Variants in TCAF1 observed in about 807,000 individuals in gnomAD.
TCAF1 encodes the protein TRPM8 channel-associated factor 1.
Under a neutral mutation model 27.3 loss-of-function variants are expected in TCAF1, and 4 were observed. The ratio of observed to expected loss-of-function variants is 0.15; its 90% CI spans 0.07 to 0.34. The LOEUF is 0.34. Ranked by LOEUF, TCAF1 falls within the 10% of genes least tolerant of loss-of-function variation. The probability of loss-of-function intolerance (pLI) is 1.00; values close to 1 mark genes in which losing one functional copy is unlikely to be tolerated. For synonymous variants in TCAF1, 105 were observed against 167.1 expected (o/e 0.63, Z 2.87); for missense variants, 257 against 425.8 (o/e 0.60, Z 3.49).
intron 1 of TCAF1, among the ~76,000 whole-genome samples, chr7:143,883,986 T>C (rs1488851922): frequency 1.3e-5 from 2 of 152,150 alleles, no homozygotes; most frequent in African/African-American, 4.8e-5. Flanking sequence ...GGTGTGACTT[T>C]GGGGAAGTTA....
intron 1 of TCAF1, among the ~76,000 whole-genome samples, chr7:143,886,076 C>G (rs1161400853): frequency 2.6e-5 from 4 of 152,218 alleles, no homozygotes; most frequent in African/African-American, 4.8e-5. Flanking sequence ...GGAGCAGGAA[C>G]TGGCTTTATG....
chr7:143,858,760 CGATAGTTGCCCT>C (rs1293667126), intron 7 of TCAF1, 52 bp downstream of exon 7: 5 of 586,988 alleles, frequency 8.5e-6, no homozygotes, highest in Non-Finnish European at 1.5e-5. Context: ...GAACATTATC[CGATAGTTGCCCT>C]GATGGTCCCC....
intron 1 of TCAF1, chr7:143,884,960 A>G: frequency 1.0e-6 from 1 of 982,390 alleles, no homozygotes; most frequent in Non-Finnish European, 1.2e-6. Context: ...GCAATGGAGA[A>G]AGCGCAGGCA....
Position 143,902,027 on chromosome 7 carries a change from T to C in TCAF1, c.-81A>G, listed in dbSNP as rs925606938. On this transcript the variant is annotated 5_prime_UTR_variant, in exon 1 of 9. Coordinates refer to ENST00000479870, the MANE Select transcript of TCAF1 (RefSeq NM_014719.3). ...AGAGTCTACGCTGAACCCCACTCAC[T>C]GTTTGCCCCGCTGTTCCCTGCAGCG... 2.6e-5 allele frequency: 4 copies of C among 152,370 alleles called. No homozygotes were observed. The highest frequency in any genetic ancestry group is 4.4e-5 in the Non-Finnish European group (3 of 68,066). 9.4% of individuals were successfully genotyped at this position (152,370 alleles called of 1,614,324 possible).
intron 1 of TCAF1, among the ~76,000 whole-genome samples, chr7:143,887,610 G>A (rs554081142): frequency 6.6e-6 from 1 of 152,272 alleles, no homozygotes; most frequent in South Asian, 2.1e-4. Context: ...TCCTCAAAGT[G>A]TCACCATCCA....
intron 1 of TCAF1, among the ~76,000 whole-genome samples, chr7:143,877,846 T>C (rs1812799741): frequency 6.6e-6 from 1 of 152,186 alleles, no homozygotes; most frequent in South Asian, 2.1e-4. Flanking sequence ...ACCACTTACT[T>C]TCTGTCCTTT....
At chr7:143,867,587 T>C (rs1374712191) in intron 2 of TCAF1, among the ~76,000 whole-genome samples, 1 of 144,348 alleles carries the variant, frequency 6.9e-6, no homozygotes, top group Non-Finnish European at 1.5e-5. Flanking sequence ...GCCTTTTTGT[T>C]TCCTTAATAC....
intron 1 of TCAF1, chr7:143,882,897 A>C: frequency 1.0e-6 from 1 of 981,246 alleles, no homozygotes. Context: ...AGGGGTTTCC[A>C]CGGGAGTCCC....
chr7:143,879,816 C>T (rs1229688875), intron 1 of TCAF1, among the ~76,000 whole-genome samples: 1 of 152,052 alleles, frequency 6.6e-6, no homozygotes, highest in Admixed American at 6.6e-5. Flanking sequence ...GACCCTGTAG[C>T]ACTGTCCCCA....
intron 6 of TCAF1, among the ~76,000 whole-genome samples, chr7:143,859,921 TATATTATATAATA>T (rs1811827766): frequency 4.0e-5 from 3 of 74,940 alleles, no homozygotes; most frequent in Non-Finnish European, 7.2e-5. Context: ...TTACGGAATA[TATATTATATAATA>T]TATATTATAT....
intron 1 of TCAF1, chr7:143,885,130 T>C (rs2116829996): frequency 1.0e-6 from 1 of 985,502 alleles, no homozygotes; most frequent in Non-Finnish European, 1.2e-6. Flanking sequence ...CTCAGCGGAC[T>C]GCATCGGGAG....
At chr7:143,875,054 C>T (rs575157737) in intron 2 of TCAF1, among the ~76,000 whole-genome samples, 1 of 152,248 alleles carries the variant, frequency 6.6e-6, no homozygotes, top group East Asian at 1.9e-4. Flanking sequence ...TAAAACTTCC[C>T]TAAAAGTCCC....
intron 1 of TCAF1, among the ~76,000 whole-genome samples, chr7:143,881,590 G>A (rs1813027525): frequency 6.6e-6 from 1 of 151,962 alleles, no homozygotes; most frequent in Non-Finnish European, 1.5e-5. Flanking sequence ...GGATATAGAT[G>A]GTAATAATAA....
chr7:143,887,984 T>G (rs543065951), intron 1 of TCAF1, among the ~76,000 whole-genome samples: 2 of 152,324 alleles, frequency 1.3e-5, no homozygotes, highest in South Asian at 4.1e-4. Context: ...TCTGGGTTAC[T>G]GGTAATGTTC....
At chr7:143,882,761 G>A in intron 1 of TCAF1, 1 of 985,936 alleles carries the variant, frequency 1.0e-6, no homozygotes, top group Non-Finnish European at 1.2e-6. Context: ...TTTCCACGGG[G>A]GCAGGTGGGA....
intron 2 of TCAF1, among the ~76,000 whole-genome samples, chr7:143,875,535 G>A (rs549674640): frequency 2.0e-5 from 3 of 152,184 alleles, no homozygotes; most frequent in African/African-American, 7.2e-5. Context: ...ACTTCTGAAG[G>A]CTTCTACTTC....
intron 1 of TCAF1, among the ~76,000 whole-genome samples, chr7:143,886,152 G>T (rs1018038883): frequency 6.6e-6 from 1 of 152,160 alleles, no homozygotes; most frequent in Admixed American, 6.5e-5. Flanking sequence ...AAACCTGGAG[G>T]AACCACTCAT....
chr7:143,888,356 G>A (rs557852934), intron 1 of TCAF1, among the ~76,000 whole-genome samples: 1 of 152,192 alleles, frequency 6.6e-6, no homozygotes, highest in South Asian at 2.1e-4. Context: ...GACTCTATGG[G>A]GTTTCCAGCC....
At chr7:143,859,940 T>C (rs11771977) in intron 6 of TCAF1, among the ~76,000 whole-genome samples, 3 of 79,630 alleles carry the variant, frequency 3.8e-5, no homozygotes, top group African/African-American at 1.4e-4. Flanking sequence ...TAATATATAT[T>C]ATATAATATA....
Sources: gnomAD v4.1 joint callset for allele counts (sites outside exome capture counted in the v4.1 genomes callset) on GRCh38, gnomAD v4.1.1 for gene constraint, MANE v1.5 for transcripts, NCBI Gene and HGNC (gene_info 2026-07-23, HGNC 2026-07-21) for gene names.